RPH3A: variants seen among roughly 807,000 people sequenced by gnomAD.
RPH3A encodes the protein rabphilin-3A.
In RPH3A, 48 loss-of-function variants were observed where a neutral mutation model predicts 102.2. The ratio of observed to expected loss-of-function variants is 0.47; its 90% CI spans 0.37 to 0.60. The LOEUF is 0.60. RPH3A is among the 20% of genes least tolerant of loss of function. The pLI is 0.00. For synonymous variants in RPH3A, 310 were observed against 324.3 expected, an observed-to-expected ratio of 0.96 and a Z score of 0.47; for missense variants, 781 against 910.1, an observed-to-expected ratio of 0.86 and a Z score of 1.83.
At position 112,898,313 on chromosome 12, in the gene RPH3A, G is replaced by A. The variant is rs932987580; in HGVS notation, c.*1533G>A. 34 of 152,326 alleles carry A rather than the reference G, an allele frequency of 2.2e-4. No homozygotes were observed. The highest frequency in any genetic ancestry group is 6.5e-4 in the African/African-American group (27 of 41,562). The allele number at this position is 152,326 out of a possible 1,614,324, so 9.4% of individuals were successfully genotyped here. ...CTTCAATGCCCTGTGAGAAAGGTTCGATTTTCCCAATTTTGATGAAGTCTT... is the reference window on the plus strand; with the variant it reads ...CTTCAATGCCCTGTGAGAAAGGTTCAATTTTCCCAATTTTGATGAAGTCTT... On this transcript the variant is annotated 3_prime_UTR_variant, in exon 22 of 22. Coordinates refer to ENST00000389385, the MANE Select transcript of RPH3A (RefSeq NM_001143854.2).
intron 1 of RPH3A, among the ~76,000 whole-genome samples, chr12:112,612,172 G>T (rs543011855): frequency 3.9e-5 from 6 of 152,192 alleles, no homozygotes; most frequent in East Asian, 1.9e-4. Context: ...TATTTTTTGG[G>T]GGGGTGGGCT....
intron 1 of RPH3A, among the ~76,000 whole-genome samples, chr12:112,680,428 A>AT (rs2040218445): frequency 6.6e-6 from 1 of 152,150 alleles, no homozygotes; most frequent in Non-Finnish European, 1.5e-5. Flanking sequence ...GACACTTAGC[A>AT]TGTTCCAACC....
intron 2 of RPH3A, among the ~76,000 whole-genome samples, chr12:112,811,367 C>T (rs964875887): frequency 6.6e-6 from 1 of 152,156 alleles, no homozygotes; most frequent in Non-Finnish European, 1.5e-5. Context: ...TTCAAAAGCA[C>T]TGAACAAATT....
chr12:112,669,787 G>A (rs960662066), intron 1 of RPH3A, among the ~76,000 whole-genome samples: 1 of 152,100 alleles, frequency 6.6e-6, no homozygotes, highest in Non-Finnish European at 1.5e-5. Context: ...TAGCACTTAA[G>A]GGTCTACTCA....
rs528769611 is a variant in RPH3A, at chr12:112,583,381, A to G, written c.-140+8062A>G. ...TTGAGTTCTTTTCTCAAGGTCAGAT[A>G]GGGAATAGGATTTGCACCAAGTTTC... On this transcript the variant is annotated intron_variant, in intron 1 of 21. Coordinates refer to the RPH3A transcript ENST00000543106. 3.9e-5 allele frequency among the ~76,000 whole-genome samples: 6 copies of G among 152,308 alleles called. 1 individual carries two copies. Among genetic ancestry groups the G allele is most frequent in the African/African-American group, 1.4e-4 (6 of 41,568 alleles).
chr12:112,682,246 C>T (rs991776185), intron 1 of RPH3A, among the ~76,000 whole-genome samples: 7 of 152,018 alleles, frequency 4.6e-5, no homozygotes, highest in South Asian at 2.1e-4. Context: ...ACCAGGGAAG[C>T]CGGGTTGAAG....
At chr12:112,755,802 G>T (rs1377175014) in intron 1 of RPH3A, among the ~76,000 whole-genome samples, 55 of 152,128 alleles carry the variant, frequency 3.6e-4, no homozygotes, top group Non-Finnish European at 2.9e-5. Flanking sequence ...AGATCTATGA[G>T]CATGAGAATA....
At chr12:112,832,225 G>C (rs1426487706) in intron 3 of RPH3A, among the ~76,000 whole-genome samples, 1 of 151,822 alleles carries the variant, frequency 6.6e-6, no homozygotes, top group African/African-American at 2.4e-5. Context: ...TTTCATCCTG[G>C]CTATACTCTG....
At position 112,872,028 on chromosome 12, in the gene RPH3A, G is replaced by A. The variant is rs572937325; in HGVS notation, c.796+1989G>A. On this transcript the variant is annotated intron_variant, in intron 10 of 21. Coordinates refer to ENST00000389385, the MANE Select transcript of RPH3A (RefSeq NM_001143854.2). ...TTGTGCGCCTGACATACAAATATCTGTTGCACTCTGTTCTTTTGAGTATAT... is the reference window on the plus strand; with the variant it reads ...TTGTGCGCCTGACATACAAATATCTATTGCACTCTGTTCTTTTGAGTATAT... 2.0e-5 allele frequency among the ~76,000 whole-genome samples: 3 copies of A among 152,118 alleles called. No individual in the cohort carries two copies. The South Asian group carries it at 6.2e-4, about 32-fold the overall frequency.
chr12:112,861,701 G>A (rs150295298), intron 5 of RPH3A, among the ~76,000 whole-genome samples: 28 of 152,280 alleles, frequency 1.8e-4, no homozygotes, highest in Admixed American at 5.2e-4. Context: ...AGCTTCTAGT[G>A]TAACTGGGAG....
intron 1 of RPH3A, among the ~76,000 whole-genome samples, chr12:112,735,790 G>A (rs1004591234): frequency 2.6e-5 from 4 of 152,144 alleles, no homozygotes; most frequent in African/African-American, 9.7e-5. Context: ...CCTGCTCATT[G>A]TCCACTCTGC....
At chr12:112,643,623 A>G (rs1669381371) in intron 1 of RPH3A, among the ~76,000 whole-genome samples, 1 of 152,240 alleles carries the variant, frequency 6.6e-6, no homozygotes, top group Non-Finnish European at 1.5e-5. Flanking sequence ...GTTTGCCTTC[A>G]TGTTCGTGTC....
At chr12:112,678,751 G>C (rs1490959953) in intron 1 of RPH3A, among the ~76,000 whole-genome samples, 1 of 152,122 alleles carries the variant, frequency 6.6e-6, no homozygotes, top group Non-Finnish European at 1.5e-5. Context: ...GGCGCTCAGA[G>C]GAGATGGGGA....
At chr12:112,689,025 A>G (rs1479582215) in intron 1 of RPH3A, among the ~76,000 whole-genome samples, 12 of 152,200 alleles carry the variant, frequency 7.9e-5, no homozygotes, top group Admixed American at 7.9e-4. Flanking sequence ...TCAACTCCAT[A>G]TACTTTTCTT....
At chr12:112,791,440 C>G (rs2041099381), upstream of RPH3A, 1 of 152,378 alleles carries the variant, frequency 6.6e-6, no homozygotes, top group South Asian at 2.1e-4. Flanking sequence ...CGAGAAGTCC[C>G]GTCCCCCACC....
At chr12:112,877,913 T>C (rs1235778776) in intron 13 of RPH3A, among the ~76,000 whole-genome samples, 1 of 152,230 alleles carries the variant, frequency 6.6e-6, no homozygotes, top group East Asian at 1.9e-4. Context: ...GCCTATTTAA[T>C]CTTCCCTACG....
intron 1 of RPH3A, chr12:112,651,709 A>G (rs1408228132): frequency 6.6e-6 from 1 of 152,200 alleles, no homozygotes; most frequent in Non-Finnish European, 1.5e-5. Flanking sequence ...TCATCATTCC[A>G]AACAGAAACT....
intron 2 of RPH3A, among the ~76,000 whole-genome samples, chr12:112,820,534 T>C (rs889850582): frequency 1.3e-5 from 2 of 152,198 alleles, no homozygotes; most frequent in African/African-American, 4.8e-5. Context: ...GAGATAATAC[T>C]TGTACCTTCC....
At chr12:112,656,738 C>T (rs778941826) in intron 1 of RPH3A, among the ~76,000 whole-genome samples, 3 of 151,864 alleles carry the variant, frequency 2.0e-5, no homozygotes, top group East Asian at 1.9e-4. Context: ...CATGTTGCTG[C>T]GAAAGACATG....
Sources: gnomAD v4.1 joint callset for allele counts (sites outside exome capture counted in the v4.1 genomes callset) on GRCh38, gnomAD v4.1.1 for gene constraint, MANE v1.5 for transcripts, NCBI Gene and HGNC (gene_info 2026-07-23, HGNC 2026-07-21) for gene names.